The following METTL6 variants were observed in gnomAD, a reference collection of about 807,000 sequenced individuals.
The protein encoded by METTL6 is tRNA N(3)-cytidine methyltransferase METTL6.
A neutral mutation model predicts 26.4 loss-of-function variants in METTL6; 22 were observed. That is an observed-to-expected ratio of 0.83 (90% CI 0.59 to 1.19). The LOEUF (loss-of-function observed/expected upper bound fraction) is 1.19, where lower values mean the gene tolerates loss of function less well. Ranked by LOEUF, METTL6 falls within the 50% of genes most tolerant of loss-of-function variation. The pLI is 0.00. For missense variants in METTL6, 304 were observed against 324.8 expected, an observed-to-expected ratio of 0.94 and a Z score of 0.49; for synonymous variants, 109 against 116.2, an observed-to-expected ratio of 0.94 and a Z score of 0.40.
chr3:15,420,021 C>T (rs2061576467), intron 3 of METTL6, among the ~76,000 whole-genome samples: 1 of 151,932 alleles, frequency 6.6e-6, no homozygotes, highest in Non-Finnish European at 1.5e-5. Flanking sequence ...GCCACCATGC[C>T]CGGCTAATTT....
intron 6 of METTL6, among the ~76,000 whole-genome samples, chr3:15,401,645 C>T (rs1185722748): frequency 6.6e-6 from 1 of 151,678 alleles, no homozygotes; most frequent in Admixed American, 6.6e-5. Context: ...CCACCAAAAC[C>T]AAGATGGCAA....
chr3:15,420,736 G>A (rs1365257912), intron 3 of METTL6, among the ~76,000 whole-genome samples: 4 of 152,212 alleles, frequency 2.6e-5, no homozygotes, highest in Non-Finnish European at 5.9e-5. Flanking sequence ...CGTAGAGTCA[G>A]TAACCTAATA....
intron 6 of METTL6, among the ~76,000 whole-genome samples, chr3:15,395,881 C>T (rs1699473854): frequency 6.6e-6 from 1 of 152,180 alleles, no homozygotes; most frequent in African/African-American, 2.4e-5. Flanking sequence ...GTCTGATGGG[C>T]TTCCCTTTGT....
At chr3:15,384,043 A>G in exon 7 of METTL6, 1 of 353,352 alleles carries the variant, frequency 2.8e-6, no homozygotes, top group Non-Finnish European at 5.3e-6. Flanking sequence ...GTCTCTGGAT[A>G]AAGGGTTACC....
intron 6 of METTL6, among the ~76,000 whole-genome samples, chr3:15,398,517 C>T (rs866323106): frequency 3.9e-5 from 6 of 152,098 alleles, no homozygotes; most frequent in South Asian, 2.1e-4. Context: ...TGATTTTCTT[C>T]GTTCAGTGGG....
At chr3:15,388,888 G>A (rs1024500288) in intron 6 of METTL6, among the ~76,000 whole-genome samples, 6 of 152,154 alleles carry the variant, frequency 3.9e-5, no homozygotes, top group African/African-American at 7.2e-5. Context: ...AATACAGCTC[G>A]GAGGTTAGAA....
At chr3:15,409,661 A>T (rs1275642574), downstream of METTL6, among the ~76,000 whole-genome samples, 1 of 152,110 alleles carries the variant, frequency 6.6e-6, no homozygotes, top group Non-Finnish European at 1.5e-5. Flanking sequence ...AGGGGAGGAC[A>T]GGTGATGGCC....
rs367650040 is a variant in METTL6 at position 15,395,353 on chromosome 3, T to C, written c.*12-11166A>G. ...CTTTTTTTGTTTTCCATTTTCTTGG[T>C]AGATCTTCCTCCATCCCTTTACTTT... is the stretch of plus-strand genomic sequence containing the variant. On this transcript the variant is annotated intron_variant, in intron 6 of 6. Transcript: ENST00000443029. Among the ~76,000 whole-genome samples the C allele has an allele frequency of 2.4e-4, 37 of 152,372 alleles. No individual in the cohort carries two copies. In the South Asian group the frequency reaches 7.7e-3, roughly 32 times the overall value.
chr3:15,387,869 ATGG>A (rs1231320992), intron 6 of METTL6, among the ~76,000 whole-genome samples: 1 of 151,740 alleles, frequency 6.6e-6, no homozygotes, highest in Non-Finnish European at 1.5e-5. Context: ...CTGGAGTGCA[ATGG>A]TGTGGTCACA....
At chr3:15,394,687 G>A (rs1361966311) in intron 6 of METTL6, among the ~76,000 whole-genome samples, 2 of 152,146 alleles carry the variant, frequency 1.3e-5, no homozygotes, top group Non-Finnish European at 2.9e-5. Flanking sequence ...CAGAGATTCT[G>A]GTATGTTGTG....
intron 3 of METTL6, among the ~76,000 whole-genome samples, chr3:15,418,406 C>T (rs1381426274): frequency 6.6e-6 from 1 of 152,172 alleles, no homozygotes; most frequent in Non-Finnish European, 1.5e-5. Context: ...GAAATGAACA[C>T]TTTCAATAGG....
intron 6 of METTL6, among the ~76,000 whole-genome samples, chr3:15,390,658 A>G (rs1699319493): frequency 6.6e-6 from 1 of 152,330 alleles, no homozygotes; most frequent in East Asian, 1.9e-4. Context: ...GGCTCGGTGC[A>G]GGCCCCATAA....
chr3:15,389,849 A>ATTTTTTTTT (rs58728599), intron 6 of METTL6, among the ~76,000 whole-genome samples: 1 of 132,980 alleles, frequency 7.5e-6, no homozygotes, highest in Admixed American at 7.7e-5. Context: ...CGCCCGGCCA[A>ATTTTTTTTT]TTTTTTTTTT....
rs2061756886 is a variant in METTL6 at position 15,427,528 on chromosome 3, C to G, written c.-251G>C. 1.9e-6 allele frequency: 1 copy of G among 538,898 alleles called. No individual in the cohort carries two copies. Among genetic ancestry groups the G allele is most frequent in the Non-Finnish European group, 3.3e-6 (1 of 301,484 alleles). 33.4% of individuals were successfully genotyped at this position (538,898 alleles called of 1,614,324 possible). On this transcript the variant is annotated 5_prime_UTR_variant, in exon 1 of 6. Transcript: ENST00000383790. ...TTCTTTTGCCATGGCACCGCCCCCG[C>G]CACTTCCGCTAGGAACCCGGAAGTT...
At chr3:15,402,789 A>G (rs983483334) in intron 6 of METTL6, among the ~76,000 whole-genome samples, 2 of 151,974 alleles carry the variant, frequency 1.3e-5, no homozygotes, top group Admixed American at 1.3e-4. Flanking sequence ...ACCTGAAAAG[A>G]CACCTCAAAA....
chr3:15,424,909 G>A (rs766451465), intron 3 of METTL6, 46 bp downstream of exon 3: 14 of 1,609,154 alleles, frequency 8.7e-6, no homozygotes, highest in Admixed American at 5.1e-5. Flanking sequence ...AAACAAGATC[G>A]GCAAGAAAAC....
intron 6 of METTL6, among the ~76,000 whole-genome samples, chr3:15,396,458 G>T (rs1010561293): frequency 6.6e-6 from 1 of 152,140 alleles, no homozygotes; most frequent in Non-Finnish European, 1.5e-5. Context: ...GCTCAGAGTA[G>T]TTTGATTGTC....
chr3:15,411,516 G>A lies in METTL6; in HGVS notation c.674-79C>T, dbSNP rs560076512. The stretch of plus-strand genomic sequence containing the variant: ...TTGCAGTCCTTGAGGAGGGATAGAG[G>A]GCTGAGGCTATTTTAATATTTTTTT... On this transcript the variant is annotated intron_variant, in intron 5 of 5. Coordinates refer to ENST00000383790, the MANE Select transcript of METTL6 (RefSeq NM_152396.4). 6 of 1,345,670 alleles carry A rather than the reference G, an allele frequency of 4.5e-6. No individual in the cohort carries two copies. The African/African-American group carries it at 6.0e-5, about 13-fold the overall frequency. The allele number at this position is 1,345,670 out of a possible 1,614,324, so 83.4% of individuals were successfully genotyped here. A position where few individuals can be genotyped will look rare whatever the true frequency, so the allele number is the denominator to read the frequency against.
intron 6 of METTL6, among the ~76,000 whole-genome samples, chr3:15,396,007 T>C (rs1237691844): frequency 5.3e-5 from 8 of 152,266 alleles, no homozygotes; most frequent in African/African-American, 1.7e-4. Flanking sequence ...ATCTTTGTGG[T>C]GTTCTCTGTA....
Sources: allele counts gnomAD v4.1 joint callset (sites outside exome capture counted in the v4.1 genomes callset), GRCh38; gene constraint gnomAD v4.1.1; transcripts MANE v1.5; gene names NCBI Gene and HGNC (gene_info 2026-07-23, HGNC 2026-07-21).